The following SPCS2 variants were observed in gnomAD, a reference collection of about 807,000 sequenced individuals.
SPCS2 encodes the protein signal peptidase complex subunit 2.
SPCS2 carries 3 observed loss-of-function variants against 22.3 expected under a neutral mutation model. The ratio of observed to expected loss-of-function variants is 0.13; its 90% confidence interval spans 0.06 to 0.35. The LOEUF is 0.35. SPCS2 is among the 10% of genes least tolerant of loss of function. SPCS2 has a pLI of 1.00. For missense variants in SPCS2, 169 were observed against 280.9 expected (o/e 0.60, Z 2.85); for synonymous variants, 67 against 97.2 (o/e 0.69, Z 1.83).
chr11:74,954,787 C>A (rs894213547), intron 1 of SPCS2, among the ~76,000 whole-genome samples: 1 of 152,106 alleles, frequency 6.6e-6, no homozygotes, highest in Admixed American at 6.6e-5. Context: ...AAAAGACAAT[C>A]TACAGAATGA....
chr11:74,975,322 G>C (rs371331588), intron 4 of SPCS2, among the ~76,000 whole-genome samples: 3 of 152,120 alleles, frequency 2.0e-5, no homozygotes, highest in East Asian at 1.9e-4. Flanking sequence ...CTTAGTGAAG[G>C]CTTTTCTGCC....
intron 1 of SPCS2, chr11:74,963,529 C>T: frequency 2.5e-6 from 1 of 397,184 alleles, no homozygotes; most frequent in Non-Finnish European, 4.9e-6. Flanking sequence ...TATCCCATCT[C>T]TTATTTTATT....
In SPCS2 at chr11:74,977,906, G is replaced by A. The variant is rs1948624733; in HGVS notation, c.*863G>A. 6.6e-6 allele frequency: 1 copy of A among 152,094 alleles called. No individual in the cohort carries two copies. Among genetic ancestry groups the A allele is most frequent in the South Asian group, 2.1e-4 (1 of 4,820 alleles). The allele number at this position is 152,094 out of a possible 1,614,324, so 9.4% of individuals were successfully genotyped here. A position where few individuals can be genotyped will look rare whatever the true frequency, so the allele number is the denominator to read the frequency against. ...ATAATAACAATAATAACAACATTCT[G>A]TACTTACTTTGTGCCAGAAATGCTC... On this transcript the variant is annotated 3_prime_UTR_variant, in exon 5 of 5. Transcript: ENST00000263672.
At chr11:74,966,008 A>G in intron 3 of SPCS2, 85 bp downstream of exon 3, 1 of 1,277,792 alleles carries the variant, frequency 7.8e-7, no homozygotes, top group Non-Finnish European at 1.1e-6. Flanking sequence ...AACAAAACGG[A>G]CTTTCATATT....
chr11:74,971,105 C>T (rs1363552920), intron 4 of SPCS2, among the ~76,000 whole-genome samples: 3 of 152,160 alleles, frequency 2.0e-5, no homozygotes, highest in South Asian at 2.1e-4. Flanking sequence ...TGGAATCATA[C>T]AATATGTGGT....
At chr11:74,956,438 G>A (rs1948479213) in intron 1 of SPCS2, among the ~76,000 whole-genome samples, 1 of 152,078 alleles carries the variant, frequency 6.6e-6, no homozygotes, top group South Asian at 2.1e-4. Flanking sequence ...TTCATTTCAG[G>A]TAGATACCTC....
intron 3 of SPCS2, among the ~76,000 whole-genome samples, chr11:74,967,847 T>A (rs1948556247): frequency 6.6e-6 from 1 of 152,110 alleles, no homozygotes; most frequent in African/African-American, 2.4e-5. Flanking sequence ...GATGGGAGGA[T>A]TGCTTGAGCC....
At chr11:74,949,559 C>A (rs760268669) in intron 1 of SPCS2, 160 bp downstream of exon 1, 52 of 701,318 alleles carry the variant, frequency 7.4e-5, no homozygotes, top group South Asian at 7.3e-4. Context: ...CCTGCCCTTG[C>A]CCTCATCACA....
At chr11:74,951,161 T>G (rs1030782495) in intron 1 of SPCS2, among the ~76,000 whole-genome samples, 1 of 152,224 alleles carries the variant, frequency 6.6e-6, no homozygotes, top group Admixed American at 6.5e-5. Flanking sequence ...TCATAAGATT[T>G]CAGCTTTGAA....
intron 1 of SPCS2, chr11:74,963,686 A>G (rs995754083): frequency 7.4e-6 from 3 of 406,034 alleles, no homozygotes; most frequent in Non-Finnish European, 4.9e-6. Context: ...CTGGGATGGC[A>G]GGTACTCACC....
intron 4 of SPCS2, among the ~76,000 whole-genome samples, chr11:74,974,684 G>A (rs1006731443): frequency 3.3e-5 from 5 of 152,104 alleles, no homozygotes; most frequent in African/African-American, 9.6e-5. Context: ...GCGCGATCTC[G>A]GCTCGCTGCA....
intron 1 of SPCS2, among the ~76,000 whole-genome samples, chr11:74,955,851 A>AATATACATAT (rs1555115679): frequency 1.8e-5 from 1 of 55,594 alleles, no homozygotes; most frequent in African/African-American, 4.6e-5. Flanking sequence ...TACTAATTAA[A>AATATACATAT]ATATATATAT....
chr11:74,957,667 T>G (rs903002841), intron 1 of SPCS2, among the ~76,000 whole-genome samples: 1 of 152,242 alleles, frequency 6.6e-6, no homozygotes, highest in Non-Finnish European at 1.5e-5. Flanking sequence ...ATCCTTGAAC[T>G]TGTAGTGTGC....
At position 74,965,906 on chromosome 11, in the gene SPCS2, G is replaced by T; in HGVS notation, c.342G>T (p.Leu114Phe). ...MHPFPESKPV[L>F]ALCVISYFVM... Reference sequence around the variant, plus strand: ...CCTTTCCAGAGTCCAAACCCGTTTTGGCTTTGTGTGTCATATCATATCCTT... The same window carrying T: ...CCTTTCCAGAGTCCAAACCCGTTTTTGCTTTGTGTGTCATATCATATCCTT... The change falls in exon 3 of 5, where the codon TTG (leucine) becomes TTT (phenylalanine). Residue 114 changes from leucine (L) to phenylalanine (F), a missense_variant. By Grantham distance (22) the Leu-to-Phe change is conservative (BLOSUM62 0). Transcript: ENST00000263672. 6.2e-7 allele frequency: 1 copy of T among 1,610,042 alleles called. No individual in the cohort carries two copies. Among genetic ancestry groups the T allele is most frequent in the South Asian group, 1.1e-5 (1 of 89,972 alleles).
chr11:74,951,434 T>A (rs1380488935), intron 1 of SPCS2, among the ~76,000 whole-genome samples: 1 of 152,126 alleles, frequency 6.6e-6, no homozygotes, highest in Non-Finnish European at 1.5e-5. Context: ...TAAGGAAGTA[T>A]ATGGTATATT....
intron 3 of SPCS2, 37 bp downstream of exon 3, chr11:74,965,960 C>A: frequency 1.9e-6 from 3 of 1,556,604 alleles, no homozygotes; most frequent in Admixed American, 2.1e-5. Context: ...TTTCTAGTGA[C>A]TATTTTTTTA....
intron 4 of SPCS2, among the ~76,000 whole-genome samples, chr11:74,971,548 C>G (rs750582052): frequency 6.6e-6 from 1 of 152,144 alleles, no homozygotes; most frequent in Non-Finnish European, 1.5e-5. Context: ...TGTGAATGTT[C>G]TTGCTCTCTT....
At chr11:74,960,187 C>G (rs1489417373) in intron 1 of SPCS2, among the ~76,000 whole-genome samples, 2 of 152,164 alleles carry the variant, frequency 1.3e-5, no homozygotes, top group East Asian at 3.9e-4. Context: ...CAAAAATTAG[C>G]TGACTGTGAT....
chr11:74,952,627 T>C (rs1948453839), intron 1 of SPCS2, among the ~76,000 whole-genome samples: 1 of 152,216 alleles, frequency 6.6e-6, no homozygotes, highest in Admixed American at 6.5e-5. Context: ...CTGTTCCCTG[T>C]CCTTTGGAAT....
Sources: gnomAD v4.1 joint callset for allele counts (sites outside exome capture counted in the v4.1 genomes callset) on GRCh38, gnomAD v4.1.1 for gene constraint, MANE v1.5 for transcripts, NCBI Gene and HGNC (gene_info 2026-07-23, HGNC 2026-07-21) for gene names.